Variants in TMOD3 observed in about 807,000 individuals in gnomAD.
TMOD3 encodes the protein tropomodulin-3.
TMOD3 carries 20 observed loss-of-function variants against 39.2 expected under a neutral mutation model. The ratio of observed to expected loss-of-function variants is 0.51; its 90% CI spans 0.36 to 0.74. The LOEUF is 0.74. Among genes scored for constraint, TMOD3 ranks in the 30% least tolerant of loss-of-function variants. The pLI, the probability that TMOD3 is intolerant of heterozygous loss-of-function variation, is 0.00. For missense variants in TMOD3, 381 were observed against 412.8 expected, an observed-to-expected ratio of 0.92 and a Z score of 0.67; for synonymous variants, 143 against 145.8, an observed-to-expected ratio of 0.98 and a Z score of 0.14.
rs11446467 is a variant in TMOD3, at chr15:51,910,741, CT to C, written c.*1944del. 2,406 of 142,714 alleles carry C rather than the reference CT, an allele frequency of 0.017. 59 individuals carry two copies. The highest frequency in any genetic ancestry group is 0.085 in the East Asian group (415 of 4,890). 8.8% of individuals were successfully genotyped at this position (142,714 alleles called of 1,614,324 possible). ...CCCTCATAAGAACTGTGGTGTTTCT[CT>C]TTTTTTTTTTTTGTTTTGGTTTGTT... On this transcript the variant is annotated 3_prime_UTR_variant, in exon 10 of 10. Coordinates refer to ENST00000308580, the MANE Select transcript of TMOD3 (RefSeq NM_014547.5).
At chr15:51,832,145 C>G (rs2056258305) in intron 1 of TMOD3, among the ~76,000 whole-genome samples, 1 of 148,608 alleles carries the variant, frequency 6.7e-6, no homozygotes, top group Admixed American at 6.8e-5. Context: ...GATTGTGCCA[C>G]TGCACTCCAG....
At chr15:51,907,948 C>T (rs2056690729) in intron 9 of TMOD3, among the ~76,000 whole-genome samples, 1 of 152,146 alleles carries the variant, frequency 6.6e-6, no homozygotes, top group Non-Finnish European at 1.5e-5. Context: ...TTTATGGTAG[C>T]CGGAAGTGAC....
At chr15:51,862,056 G>A (rs1479471103) in intron 1 of TMOD3, among the ~76,000 whole-genome samples, 1 of 152,112 alleles carries the variant, frequency 6.6e-6, no homozygotes, top group Admixed American at 6.5e-5. Flanking sequence ...CAGATGATTA[G>A]CTCTTTGATA....
chr15:51,895,328 TTG>T lies in TMOD3; in HGVS notation c.628-1087_628-1086del, dbSNP rs927534586. ...GCCCTGCCCCAGGTTCAAGCAATTC[TTG>T]TGTCTCAGCCTCCTGAATACCTGGG... On this transcript the variant is annotated intron_variant, in intron 6 of 9. Transcript: ENST00000308580. Among the ~76,000 whole-genome samples the T allele has an allele frequency of 2.0e-4, 31 of 151,980 alleles. 1 individual carries two copies. The highest frequency in any genetic ancestry group is 1.7e-3 in the Admixed American group (26 of 15,252).
chr15:51,847,895 A>T (rs1455488775), intron 1 of TMOD3, among the ~76,000 whole-genome samples: 1 of 152,218 alleles, frequency 6.6e-6, no homozygotes, highest in Non-Finnish European at 1.5e-5. Flanking sequence ...CCTAAAATTC[A>T]TATGCTGAAA....
At chr15:51,879,896 GA>G in intron 3 of TMOD3, among the ~76,000 whole-genome samples, 1 of 71,314 alleles carries the variant, frequency 1.4e-5, no homozygotes, top group Non-Finnish European at 3.1e-5. Context: ...ACACGAAGAA[GA>G]AATTCTAGGA....
intron 1 of TMOD3, among the ~76,000 whole-genome samples, chr15:51,854,683 C>T (rs975671092): frequency 1.3e-5 from 2 of 152,168 alleles, no homozygotes; most frequent in African/African-American, 4.8e-5. Context: ...AAAAAGCTGT[C>T]GGGCCTCCTA....
At chr15:51,893,261 C>T (rs2056603127) in intron 5 of TMOD3, among the ~76,000 whole-genome samples, 1 of 118,062 alleles carries the variant, frequency 8.5e-6, no homozygotes, top group South Asian at 2.8e-4. Flanking sequence ...TGCTACTGCA[C>T]TCCAGCCTGG....
intron 1 of TMOD3, chr15:51,859,475 C>T (rs2056405364): frequency 1.4e-5 from 9 of 655,840 alleles, no homozygotes; most frequent in Non-Finnish European, 2.3e-5. Context: ...GATGGCTGTT[C>T]TGTAAACTTT....
chr15:51,899,432 G>A (rs2056637884), intron 7 of TMOD3, among the ~76,000 whole-genome samples: 1 of 152,138 alleles, frequency 6.6e-6, no homozygotes, highest in African/African-American at 2.4e-5. Context: ...TGGGGAAGCC[G>A]AGGTGGGTGG....
chr15:51,868,866 G>A (rs148684533), intron 2 of TMOD3, among the ~76,000 whole-genome samples: 1,669 of 152,266 alleles, frequency 0.011, 32 homozygotes, highest in African/African-American at 0.039. Context: ...CAGCTACTTG[G>A]GAGTCTGAGG....
chr15:51,875,425 G>A (rs971258025), intron 3 of TMOD3, among the ~76,000 whole-genome samples: 1 of 152,042 alleles, frequency 6.6e-6, no homozygotes, highest in Admixed American at 6.6e-5. Flanking sequence ...TTTTCAGACC[G>A]GTCATGCAAT....
intron 1 of TMOD3, among the ~76,000 whole-genome samples, chr15:51,842,085 T>C (rs900520112): frequency 6.6e-6 from 1 of 152,192 alleles, no homozygotes; most frequent in Non-Finnish European, 1.5e-5. Context: ...CTGGTTTGAC[T>C]TTTTATTATA....
chr15:51,835,080 G>A (rs537287430), intron 1 of TMOD3: 43 of 152,294 alleles, frequency 2.8e-4, no homozygotes, highest in Admixed American at 2.4e-3. Context: ...AATTTTAAAT[G>A]GCTTTTCTGT....
intron 3 of TMOD3, among the ~76,000 whole-genome samples, chr15:51,873,213 A>T (rs75577102): frequency 0.018 from 2,700 of 152,292 alleles, 81 homozygotes; most frequent in East Asian, 0.075. Context: ...TCTATGTCTT[A>T]TTAGAATACT....
At chr15:51,839,840 C>T (rs1368063098) in intron 1 of TMOD3, among the ~76,000 whole-genome samples, 1 of 152,068 alleles carries the variant, frequency 6.6e-6, no homozygotes, top group African/African-American at 2.4e-5. Flanking sequence ...GAATTTGTTT[C>T]TCAGTTCAGA....
intron 3 of TMOD3, among the ~76,000 whole-genome samples, chr15:51,875,640 G>A (rs2056498401): frequency 8.0e-6 from 1 of 124,520 alleles, no homozygotes; most frequent in Admixed American, 9.9e-5. Flanking sequence ...TCCTGAGACA[G>A]AGTCTTGCTC....
chr15:51,845,045 A>G (rs1471159021), intron 1 of TMOD3, among the ~76,000 whole-genome samples: 1 of 151,962 alleles, frequency 6.6e-6, no homozygotes, highest in African/African-American at 2.4e-5. Context: ...TTTCCTTTTT[A>G]CTTATACATT....
At chr15:51,840,109 G>T (rs1452336543) in intron 1 of TMOD3, among the ~76,000 whole-genome samples, 1 of 152,178 alleles carries the variant, frequency 6.6e-6, no homozygotes, top group Non-Finnish European at 1.5e-5. Context: ...GAAATAGATT[G>T]TGGTCTCTCT....
Sources: allele counts gnomAD v4.1 joint callset (sites outside exome capture counted in the v4.1 genomes callset), GRCh38; gene constraint gnomAD v4.1.1; transcripts MANE v1.5; gene names NCBI Gene and HGNC (gene_info 2026-07-23, HGNC 2026-07-21).